The following ADAMTSL3 variants were observed in gnomAD, a reference collection of about 807,000 sequenced individuals.
ADAMTSL3 encodes the protein ADAMTS-like protein 3.
Under a neutral mutation model 201.7 loss-of-function variants are expected in ADAMTSL3, and 128 were observed. That is an observed-to-expected ratio of 0.63 (90% CI 0.55 to 0.73). The LOEUF (loss-of-function observed/expected upper bound fraction) is 0.73, where lower values mean the gene tolerates loss of function less well. Among genes scored for constraint, ADAMTSL3 ranks in the 30% least tolerant of loss-of-function variants. ADAMTSL3 has a pLI of 0.00. For missense variants in ADAMTSL3, 1,990 were observed against 2,119.6 expected (o/e 0.94, Z 1.20); for synonymous variants, 738 against 748.4 (o/e 0.99, Z 0.23).
intron 9 of ADAMTSL3, among the ~76,000 whole-genome samples, chr15:83,884,312 A>G (rs188994207): frequency 2.9e-4 from 42 of 143,236 alleles, no homozygotes; most frequent in East Asian, 4.2e-4. Flanking sequence ...ATTAACATAT[A>G]TGTTACCTCA....
chr15:83,694,808 C>T (rs2061657939), intron 2 of ADAMTSL3, among the ~76,000 whole-genome samples: 1 of 152,208 alleles, frequency 6.6e-6, no homozygotes, highest in Non-Finnish European at 1.5e-5. Context: ...GGCTGGCTTT[C>T]CTACAAAAGA....
At chr15:83,795,124 G>C (rs1438687737) in intron 4 of ADAMTSL3, among the ~76,000 whole-genome samples, 1 of 151,984 alleles carries the variant, frequency 6.6e-6, no homozygotes, top group Non-Finnish European at 1.5e-5. Context: ...AAAGTGCTGG[G>C]ATTACAGGTG....
intron 12 of ADAMTSL3, among the ~76,000 whole-genome samples, chr15:83,892,072 C>T (rs752560846): frequency 5.9e-5 from 9 of 151,598 alleles, no homozygotes; most frequent in Admixed American, 1.3e-4. Context: ...AAAAATTAGC[C>T]GGGCTTGGTG....
rs57822593 is a variant in ADAMTSL3, at chr15:83,793,459, GTGTTGTTGT to G, written c.318-11165_318-11157del. On this transcript the variant is annotated intron_variant, in intron 4 of 29. Transcript: ENST00000286744. ...AATACATACAATTTTATCTGTTGGT[GTGTTGTTGT>G]TGTTGTTGTTGTTGTTGTTGTTGTT... Among the ~76,000 whole-genome samples, 256 of 150,646 alleles carry G rather than the reference GTGTTGTTGT, an allele frequency of 1.7e-3. 1 individual carries two copies. The highest frequency in any genetic ancestry group is 5.5e-3 in the African/African-American group (226 of 40,990).
chr15:83,823,883 CTTCTTCTTCCTCTTCTT>C (rs2063937908), intron 6 of ADAMTSL3, among the ~76,000 whole-genome samples: 2 of 108,510 alleles, frequency 1.8e-5, no homozygotes, highest in African/African-American at 9.0e-5. Context: ...CCATTTCCTT[CTTCTTCTTCCTCTTCTT>C]CTTCTTCTTC....
intron 24 of ADAMTSL3, among the ~76,000 whole-genome samples, chr15:84,015,353 G>T (rs1230110724): frequency 2.6e-5 from 4 of 152,204 alleles, no homozygotes; most frequent in Non-Finnish European, 5.9e-5. Flanking sequence ...AAACATGAAA[G>T]AGATTTCTCC....
intron 5 of ADAMTSL3, among the ~76,000 whole-genome samples, chr15:83,806,282 A>G (rs2063601651): frequency 6.6e-6 from 1 of 152,206 alleles, no homozygotes; most frequent in South Asian, 2.1e-4. Context: ...CTCCAGCTTA[A>G]GAACCAGCCT....
At chr15:84,007,105 T>C (rs1421601741) in intron 23 of ADAMTSL3, among the ~76,000 whole-genome samples, 1 of 152,254 alleles carries the variant, frequency 6.6e-6, no homozygotes, top group Non-Finnish European at 1.5e-5. Flanking sequence ...TGTGGTCCTG[T>C]GCTCTTCATT....
At position 83,806,353 on chromosome 15, in the gene ADAMTSL3, A is replaced by G. The variant is rs770884799; in HGVS notation, c.363+1658A>G. Among the ~76,000 whole-genome samples, 16 of 152,200 alleles carry G rather than the reference A, an allele frequency of 1.1e-4. No homozygotes were observed. The East Asian group carries it at 2.1e-3, about 20-fold the overall frequency. ...GCCCTAAACTCCTGCAGCCTAGGCT[A>G]TTGAAGCACTCACAGATATTACTAC... is the stretch of plus-strand genomic sequence containing the variant. On this transcript the variant is annotated intron_variant, in intron 5 of 29. Coordinates refer to ENST00000286744, the MANE Select transcript of ADAMTSL3 (RefSeq NM_207517.3).
At chr15:83,692,115 C>G (rs1347532974) in intron 2 of ADAMTSL3, among the ~76,000 whole-genome samples, 1 of 149,800 alleles carries the variant, frequency 6.7e-6, no homozygotes, top group East Asian at 2.0e-4. Flanking sequence ...TTTTTTTTTT[C>G]TTTTAACAAA....
At chr15:84,031,920 T>G (rs1596558029) in intron 28 of ADAMTSL3, among the ~76,000 whole-genome samples, 1 of 152,316 alleles carries the variant, frequency 6.6e-6, no homozygotes, top group Admixed American at 6.5e-5. Context: ...TTTGCTTTCC[T>G]CCTTTTATAA....
At chr15:84,021,702 A>T (rs1277230318) in intron 26 of ADAMTSL3, 109 bp downstream of exon 26, 3 of 1,180,914 alleles carry the variant, frequency 2.5e-6, no homozygotes, top group Middle Eastern at 2.9e-4. Flanking sequence ...TTTATCACTT[A>T]CTGTATACTA....
Position 83,789,872 on chromosome 15 carries a change from T to C in ADAMTSL3, c.318-14778T>C, listed in dbSNP as rs115356845. Among the ~76,000 whole-genome samples, 725 of 152,262 alleles carry C rather than the reference T, an allele frequency of 4.8e-3. 5 individuals carry two copies. The highest frequency in any genetic ancestry group is 0.014 in the African/African-American group (602 of 41,536). ...TAAACAGACTTTCAATCAGTCATAC[T>C]GTTTTGACCCCAACTTTATCCTGCT... On this transcript the variant is annotated intron_variant, in intron 4 of 29. Coordinates refer to ENST00000286744, the MANE Select transcript of ADAMTSL3 (RefSeq NM_207517.3).
At chr15:83,801,679 T>C (rs201294259) in intron 4 of ADAMTSL3, among the ~76,000 whole-genome samples, 1 of 62,948 alleles carries the variant, frequency 1.6e-5, no homozygotes, top group East Asian at 9.9e-4. Context: ...TATATATATA[T>C]ATATATATAT....
chr15:83,988,881 TTA>T (rs2067532213), intron 22 of ADAMTSL3, 63 bp downstream of exon 22: 7 of 1,053,674 alleles, frequency 6.6e-6, no homozygotes, highest in Non-Finnish European at 8.3e-6. Context: ...ATTTATTTAT[TTA>T]TTTATTTTTT....
chr15:83,960,729 G>A lies in ADAMTSL3; in HGVS notation c.2491-9755G>A, dbSNP rs192315823. ...ATCAACTATTCAAATTCGAAAATCT[G>A]AAAGGAGATGTGGGTAGAGGAAATA... On this transcript the variant is annotated intron_variant, in intron 19 of 29. Transcript: ENST00000286744. Among the ~76,000 whole-genome samples the A allele has an allele frequency of 1.5e-3, 228 of 152,314 alleles. 1 individual carries two copies. The highest frequency in any genetic ancestry group is 6.8e-3 in the Middle Eastern group (2 of 294).
At chr15:84,025,517 A>C in intron 27 of ADAMTSL3, 81 bp downstream of exon 27, 1 of 1,387,538 alleles carries the variant, frequency 7.2e-7, no homozygotes, top group Non-Finnish European at 9.8e-7. Flanking sequence ...GTTTCCAATA[A>C]ACTACTTTTG....
chr15:83,791,849 A>G (rs1238389384), intron 4 of ADAMTSL3, among the ~76,000 whole-genome samples: 1 of 151,152 alleles, frequency 6.6e-6, no homozygotes, highest in Non-Finnish European at 1.5e-5. Context: ...ACAGAGTGAG[A>G]CTCTGTCTCA....
chr15:83,741,204 ATAT>A (rs1177920370), intron 3 of ADAMTSL3, among the ~76,000 whole-genome samples: 12 of 150,834 alleles, frequency 8.0e-5, no homozygotes, highest in Non-Finnish European at 1.5e-4. Flanking sequence ...CAATTAGTTA[ATAT>A]TATATTAATT....
Sources: gnomAD v4.1 joint callset for allele counts (sites outside exome capture counted in the v4.1 genomes callset) on GRCh38, gnomAD v4.1.1 for gene constraint, MANE v1.5 for transcripts, NCBI Gene and HGNC (gene_info 2026-07-23, HGNC 2026-07-21) for gene names.